SHISA6: variants seen among roughly 807,000 people sequenced by gnomAD.
SHISA6 encodes the protein shisa family member 6.
In SHISA6, 22 loss-of-function variants were observed where a neutral mutation model predicts 47.9. The ratio of observed to expected loss-of-function variants is 0.46; its 90% CI spans 0.33 to 0.66. SHISA6 has a LOEUF of 0.66. Among genes scored for constraint, SHISA6 ranks in the 30% least tolerant of loss-of-function variants. The probability of loss-of-function intolerance (pLI) is 0.02; values close to 1 mark genes in which losing one functional copy is unlikely to be tolerated. For missense variants in SHISA6, 680 were observed against 764.6 expected, an observed-to-expected ratio of 0.89 and a Z score of 1.30; for synonymous variants, 388 against 337.8, an observed-to-expected ratio of 1.15 and a Z score of -1.63.
intron 3 of SHISA6, among the ~76,000 whole-genome samples, chr17:11,475,862 T>C (rs1334805333): frequency 6.6e-6 from 1 of 152,034 alleles, no homozygotes; most frequent in African/African-American, 2.4e-5. Context: ...GGAATTTCTA[T>C]AATCTCTTCC....
chr17:11,329,107 C>T (rs1005078867), intron 2 of SHISA6, among the ~76,000 whole-genome samples: 1 of 152,134 alleles, frequency 6.6e-6, no homozygotes, highest in East Asian at 1.9e-4. Flanking sequence ...GTTAAGATTG[C>T]AATTGCCTGT....
At chr17:11,536,981 A>C (rs1288473724) in intron 3 of SHISA6, among the ~76,000 whole-genome samples, 1 of 152,210 alleles carries the variant, frequency 6.6e-6, no homozygotes, top group Non-Finnish European at 1.5e-5. Flanking sequence ...GAAGACGCGG[A>C]TCACAGCAGG....
At position 11,350,837 on chromosome 17, in the gene SHISA6, G is replaced by A. The variant is rs1484988684; in HGVS notation, c.800-28577G>A. On this transcript the variant is annotated intron_variant, in intron 2 of 5. Transcript: ENST00000441885. ...AAATCATTCTACTATGAAGACACATGCACACATATGTTTATTGCAGCACTG... is the reference window on the plus strand; with the variant it reads ...AAATCATTCTACTATGAAGACACATACACACATATGTTTATTGCAGCACTG... 1.3e-5 allele frequency among the ~76,000 whole-genome samples: 2 copies of A among 152,098 alleles called. 1 individual carries two copies. The highest frequency in any genetic ancestry group is 4.8e-5 in the African/African-American group (2 of 41,418).
chr17:11,473,213 TA>T (rs1016424218), intron 3 of SHISA6, among the ~76,000 whole-genome samples: 1 of 152,208 alleles, frequency 6.6e-6, no homozygotes, highest in African/African-American at 2.4e-5. Flanking sequence ...CCTTTGTATA[TA>T]AAAAGTCATT....
intron 2 of SHISA6, among the ~76,000 whole-genome samples, chr17:11,347,478 A>G (rs1911738755): frequency 6.6e-6 from 1 of 152,220 alleles, no homozygotes; most frequent in Non-Finnish European, 1.5e-5. Flanking sequence ...AACTTAATAT[A>G]TATCAGAACC....
At chr17:11,398,438 A>G (rs1439937031) in intron 3 of SHISA6, among the ~76,000 whole-genome samples, 1 of 151,986 alleles carries the variant, frequency 6.6e-6, no homozygotes, top group African/African-American at 2.4e-5. Context: ...CAATCTCCAG[A>G]GTGCTTCTTT....
At chr17:11,326,412 A>G (rs888627398) in intron 2 of SHISA6, among the ~76,000 whole-genome samples, 1 of 152,138 alleles carries the variant, frequency 6.6e-6, no homozygotes, top group African/African-American at 2.4e-5. Context: ...CCCTGTGTGC[A>G]TTCATTTGTG....
At chr17:11,518,939 T>A (rs1265994261) in intron 3 of SHISA6, among the ~76,000 whole-genome samples, 1 of 152,150 alleles carries the variant, frequency 6.6e-6, no homozygotes, top group Admixed American at 6.5e-5. Context: ...GAAGGAAACT[T>A]CCCTACCCAC....
chr17:11,485,855 T>C (rs1916336432), intron 3 of SHISA6, among the ~76,000 whole-genome samples: 1 of 152,104 alleles, frequency 6.6e-6, no homozygotes. Context: ...TTTTGCTCCA[T>C]TTCCCTCCCA....
intron 3 of SHISA6, among the ~76,000 whole-genome samples, chr17:11,447,442 C>T (rs766138403): frequency 6.6e-6 from 1 of 152,136 alleles, no homozygotes; most frequent in African/African-American, 2.4e-5. Context: ...GAAGACCCCC[C>T]ACAGCTTCCC....
chr17:11,463,131 A>G (rs914944674), intron 3 of SHISA6, among the ~76,000 whole-genome samples: 8 of 152,230 alleles, frequency 5.3e-5, no homozygotes, highest in African/African-American at 1.7e-4. Context: ...CTGTGGAGCC[A>G]ACAGGCTGCA....
intron 2 of SHISA6, among the ~76,000 whole-genome samples, chr17:11,340,892 A>G (rs540991028): frequency 1.3e-5 from 2 of 152,352 alleles, no homozygotes; most frequent in South Asian, 4.1e-4. Flanking sequence ...GGAAGACAAG[A>G]AAGGATACAG....
intron 3 of SHISA6, among the ~76,000 whole-genome samples, chr17:11,473,810 A>G (rs1915985059): frequency 6.6e-6 from 1 of 152,042 alleles, no homozygotes. Context: ...TTACATAGGT[A>G]TACAGGTGCC....
At chr17:11,272,469 A>T (rs367774032) in intron 2 of SHISA6, among the ~76,000 whole-genome samples, 6 of 152,110 alleles carry the variant, frequency 3.9e-5, no homozygotes, top group Non-Finnish European at 7.3e-5. Flanking sequence ...TGTTGGCCCC[A>T]GTTTGGAACC....
At chr17:11,307,103 G>A (rs961174459) in intron 2 of SHISA6, among the ~76,000 whole-genome samples, 2 of 150,218 alleles carry the variant, frequency 1.3e-5, no homozygotes, top group Non-Finnish European at 3.0e-5. Context: ...CTTTAAGACA[G>A]TGCCATATAT....
chr17:11,395,318 G>C (rs1913533453), intron 3 of SHISA6, among the ~76,000 whole-genome samples: 2 of 151,858 alleles, frequency 1.3e-5, no homozygotes, highest in Admixed American at 1.3e-4. Context: ...CTAAGTAGCT[G>C]ATCATCATTG....
At chr17:11,250,444 C>G (rs1338401973) in intron 1 of SHISA6, among the ~76,000 whole-genome samples, 2 of 152,198 alleles carry the variant, frequency 1.3e-5, no homozygotes, top group African/African-American at 2.4e-5. Context: ...CGCTCCACCC[C>G]CAAATGTCCA....
At chr17:11,492,192 A>C (rs1280273148) in intron 3 of SHISA6, among the ~76,000 whole-genome samples, 1 of 152,136 alleles carries the variant, frequency 6.6e-6, no homozygotes, top group Non-Finnish European at 1.5e-5. Flanking sequence ...CACCCAGTCA[A>C]AGAAGGATGA....
At chr17:11,396,284 T>C (rs1235892259) in intron 3 of SHISA6, among the ~76,000 whole-genome samples, 1 of 152,248 alleles carries the variant, frequency 6.6e-6, no homozygotes, top group East Asian at 1.9e-4. Flanking sequence ...TTTGCTAATA[T>C]TTCATTTAGC....
Sources: gnomAD v4.1 joint callset for allele counts (sites outside exome capture counted in the v4.1 genomes callset) on GRCh38, gnomAD v4.1.1 for gene constraint, MANE v1.5 for transcripts, NCBI Gene and HGNC (gene_info 2026-07-23, HGNC 2026-07-21) for gene names.